Variants in TMEFF2 observed in about 807,000 individuals in gnomAD.
TMEFF2 encodes transmembrane protein with EGF like and two follistatin like domains 2.
In TMEFF2, 28 loss-of-function variants were observed where a neutral mutation model predicts 53.8. The observed-to-expected ratio is 0.52, with a 90% confidence interval of 0.39 to 0.71. TMEFF2 has a LOEUF of 0.71. Among genes scored for constraint, TMEFF2 ranks in the 30% least tolerant of loss-of-function variants. The probability of loss-of-function intolerance (pLI) is 0.00; values close to 1 mark genes in which losing one functional copy is unlikely to be tolerated. For missense variants in TMEFF2, 353 were observed against 455.2 expected (o/e 0.78, Z 2.04); for synonymous variants, 162 against 166.3 (o/e 0.97, Z 0.20).
At chr2:192,114,107 T>A (rs1012223540) in intron 4 of TMEFF2, among the ~76,000 whole-genome samples, 44 of 141,142 alleles carry the variant, frequency 3.1e-4, no homozygotes, top group Middle Eastern at 7.2e-3. Context: ...TGTGTGTGTG[T>A]GATAGCCCTT....
rs544114784 is a variant in TMEFF2 at position 192,114,823 on chromosome 2, C to T, written c.440-57048G>A. 5.3e-5 allele frequency among the ~76,000 whole-genome samples: 8 copies of T among 151,906 alleles called. 1 individual carries two copies. The highest frequency in any genetic ancestry group is 6.8e-3 in the Middle Eastern group (2 of 294). On this transcript the variant is annotated intron_variant, in intron 4 of 9. Transcript: ENST00000272771. ...ATAATAAAGTGTCAAAATGTCAATACTACCAACTGATAGTTATAAGATAAA... is the reference window on the plus strand; with the variant it reads ...ATAATAAAGTGTCAAAATGTCAATATTACCAACTGATAGTTATAAGATAAA...
At chr2:192,028,541 A>G (rs1428106612) in intron 5 of TMEFF2, 2 of 151,958 alleles carry the variant, frequency 1.3e-5, no homozygotes, top group Non-Finnish European at 2.9e-5. Flanking sequence ...ACTTCCCTGG[A>G]TTAGCCAACC....
intron 4 of TMEFF2, among the ~76,000 whole-genome samples, chr2:192,166,453 G>A (rs1174338945): frequency 1.3e-5 from 2 of 152,098 alleles, no homozygotes; most frequent in Admixed American, 1.3e-4. Context: ...TTCTTACAAT[G>A]TATTACATTC....
intron 5 of TMEFF2, among the ~76,000 whole-genome samples, chr2:192,007,064 A>C (rs972663998): frequency 1.3e-5 from 2 of 152,194 alleles, no homozygotes; most frequent in African/African-American, 4.8e-5. Flanking sequence ...TGCATCCCCT[A>C]TTGAGAAATC....
intron 2 of TMEFF2, among the ~76,000 whole-genome samples, chr2:192,191,130 GCTAATGACTATA>G (rs1691450950): frequency 6.6e-6 from 1 of 152,116 alleles, no homozygotes; most frequent in East Asian, 1.9e-4. Context: ...GCATTTGTTA[GCTAATGACTATA>G]CTAATGACAC....
chr2:191,983,659 C>A (rs1685908903), intron 7 of TMEFF2, among the ~76,000 whole-genome samples: 1 of 152,108 alleles, frequency 6.6e-6, no homozygotes. Flanking sequence ...AAGTACAGAG[C>A]CCAGTAAACC....
At chr2:192,042,548 A>G (rs975736774) in intron 5 of TMEFF2, among the ~76,000 whole-genome samples, 1 of 152,174 alleles carries the variant, frequency 6.6e-6, no homozygotes, top group African/African-American at 2.4e-5. Flanking sequence ...CAAAAATCCC[A>G]AAAACATGTG....
chr2:192,178,713 T>C (rs913049370), intron 4 of TMEFF2: 1 of 151,314 alleles, frequency 6.6e-6, no homozygotes, highest in African/African-American at 2.4e-5. Context: ...GTGCACTAAA[T>C]ATCTGCCACC....
At chr2:192,001,678 A>G (rs1172841406) in intron 5 of TMEFF2, among the ~76,000 whole-genome samples, 2 of 152,244 alleles carry the variant, frequency 1.3e-5, no homozygotes, top group African/African-American at 4.8e-5. Flanking sequence ...ATGATAGTGA[A>G]TAAGTCTCAT....
chr2:192,136,748 G>A (rs1690017681), intron 4 of TMEFF2, among the ~76,000 whole-genome samples: 1 of 151,056 alleles, frequency 6.6e-6, no homozygotes, highest in South Asian at 2.1e-4. Flanking sequence ...TAAACATTAA[G>A]TTTCATAAAT....
intron 7 of TMEFF2, among the ~76,000 whole-genome samples, chr2:191,989,435 T>C (rs2105824451): frequency 6.6e-6 from 1 of 152,250 alleles, no homozygotes; most frequent in South Asian, 2.1e-4. Context: ...GTGTTGACAT[T>C]TGCATCAGGC....
chr2:191,991,140 C>T (rs571861917), intron 7 of TMEFF2, among the ~76,000 whole-genome samples: 10 of 151,964 alleles, frequency 6.6e-5, no homozygotes, highest in Admixed American at 2.6e-4. Context: ...AATATTTAGA[C>T]GTGTTAATGT....
At chr2:192,079,346 C>G (rs1333734333) in intron 4 of TMEFF2, among the ~76,000 whole-genome samples, 1 of 152,208 alleles carries the variant, frequency 6.6e-6, no homozygotes, top group Non-Finnish European at 1.5e-5. Context: ...ACCTGCAGCA[C>G]AGTTGGAAGG....
At chr2:192,107,233 A>G (rs1689170169) in intron 4 of TMEFF2, among the ~76,000 whole-genome samples, 1 of 151,774 alleles carries the variant, frequency 6.6e-6, no homozygotes, top group South Asian at 2.1e-4. Flanking sequence ...AAATGCACAT[A>G]GGATTAAGGC....
chr2:192,008,716 A>G (rs1249540156), intron 5 of TMEFF2, among the ~76,000 whole-genome samples: 1 of 152,244 alleles, frequency 6.6e-6, no homozygotes, highest in East Asian at 1.9e-4. Flanking sequence ...GTGGTAGACT[A>G]GATTCCCACT....
intron 4 of TMEFF2, among the ~76,000 whole-genome samples, chr2:192,080,062 A>G (rs1244260282): frequency 6.6e-6 from 1 of 152,204 alleles, no homozygotes; most frequent in Non-Finnish European, 1.5e-5. Context: ...GTAATTTACT[A>G]TCAATGTAAA....
chr2:191,996,547 TTTCA>T (rs1686226426), intron 7 of TMEFF2, among the ~76,000 whole-genome samples: 2 of 151,914 alleles, frequency 1.3e-5, no homozygotes, highest in South Asian at 4.1e-4. Context: ...GACTTTTATT[TTTCA>T]TTATTATCTT....
intron 6 of TMEFF2, 129 bp downstream of exon 6, chr2:191,998,931 A>T: frequency 1.1e-6 from 1 of 910,112 alleles, no homozygotes; most frequent in Non-Finnish European, 1.7e-6. Context: ...AGTAGACTCT[A>T]CTATCCATTG....
intron 4 of TMEFF2, among the ~76,000 whole-genome samples, chr2:192,076,327 G>T (rs922278395): frequency 3.3e-5 from 5 of 151,852 alleles, no homozygotes; most frequent in Non-Finnish European, 7.4e-5. Flanking sequence ...TATTAACAGA[G>T]GTTTTAGACT....
Sources: allele counts gnomAD v4.1 joint callset (sites outside exome capture counted in the v4.1 genomes callset), GRCh38; gene constraint gnomAD v4.1.1; transcripts MANE v1.5; gene names NCBI Gene and HGNC (gene_info 2026-07-23, HGNC 2026-07-21).